SRPK2: variants seen among roughly 807,000 people sequenced by gnomAD.
SRPK2 encodes SRSF protein kinase 2.
SRPK2 carries 21 observed loss-of-function variants against 90.8 expected under a neutral mutation model. The ratio of observed to expected loss-of-function variants is 0.23; its 90% CI spans 0.16 to 0.33. The LOEUF (loss-of-function observed/expected upper bound fraction) is 0.33. SRPK2 is among the 10% of genes least tolerant of loss of function. The pLI is 1.00. For synonymous variants in SRPK2, 288 were observed against 311.1 expected (o/e 0.93, Z 0.78); for missense variants, 620 against 869.0 (o/e 0.71, Z 3.60).
chr7:105,143,465 A>G, intron 9 of SRPK2, 135 bp from the exon 10 acceptor site: 1 of 1,132,490 alleles, frequency 8.8e-7, no homozygotes, highest in Non-Finnish European at 1.2e-6. Flanking sequence ...AAACCCAGAC[A>G]GATCCACTTT....
chr7:105,160,337 C>T (rs529282558), intron 7 of SRPK2, 170 bp downstream of exon 7: 6 of 414,476 alleles, frequency 1.4e-5, no homozygotes, highest in African/African-American at 6.1e-5. Flanking sequence ...TAAATACTGA[C>T]TTAATAAGAG....
chr7:105,216,124 A>G (rs1390462391), intron 2 of SRPK2, among the ~76,000 whole-genome samples: 3 of 152,132 alleles, frequency 2.0e-5, no homozygotes, highest in Admixed American at 2.0e-4. Flanking sequence ...AACTCTGAGT[A>G]TACTGAAAAA....
intron 2 of SRPK2, among the ~76,000 whole-genome samples, chr7:105,293,252 C>CT (rs1809306292): frequency 6.6e-6 from 1 of 151,698 alleles, no homozygotes; most frequent in Non-Finnish European, 1.5e-5. Flanking sequence ...GATCGCACCA[C>CT]TGCATGAGTG....
intron 2 of SRPK2, among the ~76,000 whole-genome samples, chr7:105,294,422 C>T (rs945916651): frequency 1.3e-4 from 20 of 152,202 alleles, no homozygotes; most frequent in African/African-American, 4.8e-4. Flanking sequence ...TTCACAGTAA[C>T]TGTTTGTTCC....
At chr7:105,291,475 T>C (rs1029935333) in intron 2 of SRPK2, among the ~76,000 whole-genome samples, 6 of 152,142 alleles carry the variant, frequency 3.9e-5, no homozygotes, top group Admixed American at 1.3e-4. Context: ...ACACCTGTAA[T>C]CCCAGCACTT....
Position 105,143,545 on chromosome 7 carries a change from A to AG in SRPK2, c.814-216dup, listed in dbSNP as rs974777629. 6.6e-6 allele frequency: 4 copies of AG among 603,556 alleles called. No individual in the cohort carries two copies. The African/African-American group carries it at 7.4e-5, about 11-fold the overall frequency. 37.4% of individuals were successfully genotyped at this position (603,556 alleles called of 1,614,324 possible). On this transcript the variant is annotated intron_variant, in intron 9 of 15. Coordinates refer to ENST00000393651, the MANE Select transcript of SRPK2 (RefSeq NM_182692.3). ...GATATCACGTACTAGGTCTACTACC[A>AG]GGTCCTGCCCTCAGAGGGATATAGC... is the stretch of plus-strand genomic sequence containing the variant.
chr7:105,139,900 G>A (rs997776348), intron 11 of SRPK2, among the ~76,000 whole-genome samples: 5 of 151,892 alleles, frequency 3.3e-5, no homozygotes, highest in Non-Finnish European at 5.9e-5. Flanking sequence ...ATATGCAGGT[G>A]CCTCTCGGTG....
intron 2 of SRPK2, among the ~76,000 whole-genome samples, chr7:105,310,413 G>A (rs1226719012): frequency 2.0e-5 from 3 of 152,072 alleles, no homozygotes; most frequent in Non-Finnish European, 2.9e-5. Flanking sequence ...TAGGCTGGGC[G>A]TGGTGGCTCA....
chr7:105,294,579 T>G (rs923600080), intron 2 of SRPK2, among the ~76,000 whole-genome samples: 2 of 152,192 alleles, frequency 1.3e-5, no homozygotes, highest in African/African-American at 4.8e-5. Flanking sequence ...CAGGCTAGAG[T>G]GCTGTGGCAC....
intron 2 of SRPK2, among the ~76,000 whole-genome samples, chr7:105,365,780 A>G (rs565404515): frequency 1.7e-4 from 26 of 151,860 alleles, no homozygotes; most frequent in African/African-American, 6.3e-4. Context: ...TGGGAGAACA[A>G]AACTCTATCT....
At chr7:105,181,152 T>C (rs747650303) in intron 3 of SRPK2, among the ~76,000 whole-genome samples, 14 of 152,242 alleles carry the variant, frequency 9.2e-5, no homozygotes, top group Admixed American at 2.0e-4. Context: ...GAAATGCAAA[T>C]TGAAACCACG....
intron 2 of SRPK2, among the ~76,000 whole-genome samples, chr7:105,385,566 GC>G (rs1170885718): frequency 6.6e-6 from 1 of 152,040 alleles, no homozygotes; most frequent in Non-Finnish European, 1.5e-5. Context: ...TCTGACTCCT[GC>G]CTCCCATCAA....
chr7:105,313,880 A>C (rs139463933), intron 2 of SRPK2, among the ~76,000 whole-genome samples: 5 of 152,220 alleles, frequency 3.3e-5, no homozygotes, highest in African/African-American at 1.2e-4. Context: ...AAAAACAAGC[A>C]AAGTAAAAGA....
At chr7:105,218,667 A>G (rs1222128387) in intron 2 of SRPK2, among the ~76,000 whole-genome samples, 1 of 152,238 alleles carries the variant, frequency 6.6e-6, no homozygotes, top group African/African-American at 2.4e-5. Flanking sequence ...TCAGTTTTCA[A>G]TCACCTACTA....
intron 2 of SRPK2, among the ~76,000 whole-genome samples, chr7:105,380,554 C>T (rs1191624067): frequency 1.4e-5 from 2 of 142,478 alleles, no homozygotes; most frequent in African/African-American, 2.6e-5. Flanking sequence ...GATGGAGTCT[C>T]GCTCTGTCGC....
chr7:105,183,471 T>G (rs912949593), intron 3 of SRPK2, among the ~76,000 whole-genome samples: 4 of 152,040 alleles, frequency 2.6e-5, no homozygotes, highest in Non-Finnish European at 5.9e-5. Flanking sequence ...AGCGGGTTTT[T>G]TTTGTTTGTT....
chr7:105,211,173 C>A (rs1482864557), intron 2 of SRPK2, among the ~76,000 whole-genome samples: 6 of 152,138 alleles, frequency 3.9e-5, no homozygotes, highest in Admixed American at 3.3e-4. Flanking sequence ...AGTGAATACA[C>A]TGCCAAGTTC....
intron 3 of SRPK2, among the ~76,000 whole-genome samples, chr7:105,192,454 A>G (rs1300618239): frequency 2.0e-5 from 3 of 152,188 alleles, no homozygotes; most frequent in Non-Finnish European, 2.9e-5. Context: ...TTATTGAGGG[A>G]CATTTGGGTT....
chr7:105,128,523 C>T (rs1184654184), intron 13 of SRPK2, among the ~76,000 whole-genome samples: 1 of 152,140 alleles, frequency 6.6e-6, no homozygotes, highest in East Asian at 1.9e-4. Context: ...ACTCAATGGC[C>T]AGGAGAGTCC....
Sources: allele counts gnomAD v4.1 joint callset (sites outside exome capture counted in the v4.1 genomes callset), GRCh38; gene constraint gnomAD v4.1.1; transcripts MANE v1.5; gene names NCBI Gene and HGNC (gene_info 2026-07-23, HGNC 2026-07-21).